TPST1: variants seen among roughly 807,000 people sequenced by gnomAD.
TPST1 encodes the protein protein-tyrosine sulfotransferase 1.
In TPST1, 20 loss-of-function variants were observed where a neutral mutation model predicts 34.8. The observed-to-expected ratio is 0.57, with a 90% CI of 0.40 to 0.84. The LOEUF (loss-of-function observed/expected upper bound fraction) is 0.84. TPST1 is among the 40% of genes least tolerant of loss of function. The probability of loss-of-function intolerance (pLI) is 0.00; values close to 1 mark genes in which losing one functional copy is unlikely to be tolerated. For missense variants in TPST1, 353 were observed against 455.5 expected (o/e 0.78, Z 2.05); for synonymous variants, 152 against 159.4 (o/e 0.95, Z 0.35).
intron 1 of TPST1, among the ~76,000 whole-genome samples, chr7:66,209,270 A>T (rs1789196256): frequency 2.0e-5 from 3 of 152,322 alleles, no homozygotes; most frequent in African/African-American, 4.8e-5. Context: ...AATTAAAGAA[A>T]AAAGAAAAAT....
intron 3 of TPST1, among the ~76,000 whole-genome samples, chr7:66,296,716 C>CTGCA (rs1298035646): frequency 9.5e-6 from 1 of 105,642 alleles, no homozygotes; most frequent in East Asian, 3.0e-4. Context: ...TCTGGGTAGT[C>CTGCA]TGCAAGTAAT....
At chr7:66,303,061 G>C (rs142883304) in intron 3 of TPST1, among the ~76,000 whole-genome samples, 1 of 152,162 alleles carries the variant, frequency 6.6e-6, no homozygotes, top group Admixed American at 6.5e-5. Context: ...CAACTCACAT[G>C]ACACCTCTTC....
chr7:66,232,238 T>C (rs1465677191), intron 1 of TPST1, among the ~76,000 whole-genome samples: 4 of 142,926 alleles, frequency 2.8e-5, no homozygotes, highest in Non-Finnish European at 4.5e-5. Flanking sequence ...AGGGACTCAC[T>C]CTGTTGCCCA....
At chr7:66,223,458 CA>C (rs34400889) in intron 1 of TPST1, among the ~76,000 whole-genome samples, 1,707 of 59,254 alleles carry the variant, frequency 0.029, 11 homozygotes, top group African/African-American at 0.091. Context: ...GACCCTGTCT[CA>C]AAAAAAAAAA....
chr7:66,251,506 C>A (rs147850795), intron 2 of TPST1, among the ~76,000 whole-genome samples: 1 of 152,296 alleles, frequency 6.6e-6, no homozygotes, highest in East Asian at 1.9e-4. Flanking sequence ...AATGTTCTTA[C>A]ACATGCTCCT....
In TPST1 at chr7:66,240,549, G is replaced by A; in HGVS notation, c.124G>A (p.Val42Ile). ...CCGGATAGAGGAACGTAGCCAGCCA[G>A]TCAAATTGGAGAGCACAAGGACCAC... ...HHRIEERSQP[V>I]KLESTRTTVR... is the part of the protein sequence containing the mutation. Residue 42 changes from valine (V) to isoleucine (I), a missense_variant, in exon 2 of 6, where the codon GTC becomes ATC. Physicochemically the swap from Val to Ile is conservative, Grantham distance 29 (BLOSUM62 3). Transcript: ENST00000304842. 3 of 1,614,202 alleles carry A rather than the reference G, an allele frequency of 1.9e-6. No individual in the cohort carries two copies. Among genetic ancestry groups the A allele is most frequent in the Non-Finnish European group, 2.5e-6 (3 of 1,180,028 alleles).
At chr7:66,343,433 T>A (rs1336747454) in intron 3 of TPST1, among the ~76,000 whole-genome samples, 3 of 152,098 alleles carry the variant, frequency 2.0e-5, no homozygotes, top group African/African-American at 7.2e-5. Context: ...GAGAAAGGGT[T>A]GAAAAGCTGC....
chr7:66,327,624 G>C (rs1249763073), intron 3 of TPST1, among the ~76,000 whole-genome samples: 1 of 151,872 alleles, frequency 6.6e-6, no homozygotes. Context: ...TCAGGAGGCT[G>C]AGGTGGGAGG....
At chr7:66,306,975 C>T (rs948486118) in intron 3 of TPST1, among the ~76,000 whole-genome samples, 8 of 152,100 alleles carry the variant, frequency 5.3e-5, no homozygotes, top group African/African-American at 1.9e-4. Flanking sequence ...TCAGCCTCCC[C>T]ACAGTGCTGG....
chr7:66,316,199 G>A (rs752846453), intron 3 of TPST1, among the ~76,000 whole-genome samples: 1 of 150,918 alleles, frequency 6.6e-6, no homozygotes, highest in Non-Finnish European at 1.5e-5. Context: ...AAAATTATTT[G>A]TGTTCATAAA....
intron 2 of TPST1, among the ~76,000 whole-genome samples, chr7:66,248,115 A>G (rs992760922): frequency 3.9e-5 from 6 of 152,202 alleles, no homozygotes; most frequent in Admixed American, 3.3e-4. Flanking sequence ...GTTTTTTGCT[A>G]GAGAGTTCAT....
At chr7:66,306,584 C>T (rs1354616674) in intron 3 of TPST1, among the ~76,000 whole-genome samples, 1 of 152,190 alleles carries the variant, frequency 6.6e-6, no homozygotes, top group Non-Finnish European at 1.5e-5. Flanking sequence ...CAAGGAAAAA[C>T]TTGATGAGAA....
At chr7:66,336,085 C>A (rs943187532) in intron 3 of TPST1, among the ~76,000 whole-genome samples, 1 of 152,128 alleles carries the variant, frequency 6.6e-6, no homozygotes, top group African/African-American at 2.4e-5. Context: ...CCGAGGTGGG[C>A]AGATCACGAG....
intron 1 of TPST1, among the ~76,000 whole-genome samples, chr7:66,232,155 C>G (rs183129048): frequency 2.8e-4 from 42 of 151,102 alleles, no homozygotes; most frequent in African/African-American, 1.0e-3. Context: ...ACTGCTTGAT[C>G]ACATGGTAAC....
intron 3 of TPST1, among the ~76,000 whole-genome samples, chr7:66,307,500 AG>A (rs148938764): frequency 0.016 from 2,382 of 152,294 alleles, 60 homozygotes; most frequent in East Asian, 0.092. Context: ...ATATTTTGTA[AG>A]GGAAAGGATG....
At chr7:66,357,809 G>A (rs1028929876) in intron 5 of TPST1, among the ~76,000 whole-genome samples, 16 of 152,168 alleles carry the variant, frequency 1.1e-4, no homozygotes, top group Non-Finnish European at 1.9e-4. Context: ...ATATTGGCTG[G>A]GCATGGTGGC....
intron 4 of TPST1, among the ~76,000 whole-genome samples, chr7:66,355,008 G>A (rs1447115912): frequency 6.6e-6 from 1 of 151,886 alleles, no homozygotes; most frequent in East Asian, 1.9e-4. Flanking sequence ...GAAGATAATA[G>A]AGGAACCATC....
At chr7:66,261,733 G>A (rs1349779325) in intron 2 of TPST1, among the ~76,000 whole-genome samples, 2 of 152,026 alleles carry the variant, frequency 1.3e-5, no homozygotes, top group Non-Finnish European at 2.9e-5. Context: ...CTGACTGTGG[G>A]ACCTTGAATC....
intron 2 of TPST1, among the ~76,000 whole-genome samples, chr7:66,277,568 G>T (rs1471040839): frequency 6.6e-6 from 1 of 152,082 alleles, no homozygotes; most frequent in Non-Finnish European, 1.5e-5. Context: ...TTGGTGAGAT[G>T]AAAACTATTC....
Sources: gnomAD v4.1 joint callset for allele counts (sites outside exome capture counted in the v4.1 genomes callset) on GRCh38, gnomAD v4.1.1 for gene constraint, MANE v1.5 for transcripts, NCBI Gene and HGNC (gene_info 2026-07-23, HGNC 2026-07-21) for gene names.